Variants in LPP observed in about 807,000 individuals in gnomAD.
LPP encodes lipoma-preferred partner.
A neutral mutation model predicts 60.4 loss-of-function variants in LPP; 38 were observed. That is an observed-to-expected ratio of 0.63 (90% CI 0.49 to 0.83). The LOEUF (loss-of-function observed/expected upper bound fraction) is 0.83, where lower values mean the gene tolerates loss of function less well. Ranked by LOEUF, LPP falls within the 40% of genes least tolerant of loss-of-function variation. The probability of loss-of-function intolerance (pLI) is 0.00; values close to 1 mark genes in which losing one functional copy is unlikely to be tolerated. For missense variants in LPP, 902 were observed against 783.6 expected (o/e 1.15, Z -1.80); for synonymous variants, 328 against 290.8 (o/e 1.13, Z -1.30).
At chr3:188,370,353 C>T (rs191013118) in intron 3 of LPP, among the ~76,000 whole-genome samples, 4 of 152,266 alleles carry the variant, frequency 2.6e-5, no homozygotes, top group Non-Finnish European at 4.4e-5. Flanking sequence ...GGCTGGAGTT[C>T]GCACGTTGCT....
Position 188,881,133 on chromosome 3 carries a change from C to A in LPP, c.*6654C>A. 3.4e-5 allele frequency: 1 copy of A among 29,166 alleles called. No homozygotes were observed. Among genetic ancestry groups the A allele is most frequent in the South Asian group, 2.1e-3 (1 of 482 alleles). 1.8% of individuals were successfully genotyped at this position (29,166 alleles called of 1,614,324 possible). A position where few individuals can be genotyped will look rare whatever the true frequency, so the allele number is the denominator to read the frequency against. ...CCGGCCTGGGCGAAAGAGCGAGACT[C>A]CGTCTCAAAAAAAAAAAAAAAAAAA... On this transcript the variant is annotated 3_prime_UTR_variant, in exon 12 of 12. Transcript: ENST00000617246.
intron 2 of LPP, among the ~76,000 whole-genome samples, chr3:188,237,398 G>A (rs1722296666): frequency 6.6e-6 from 1 of 152,162 alleles, no homozygotes. Context: ...GTTCTTAATG[G>A]CATCTAGAAT....
chr3:188,465,187 C>A (rs762716577), intron 4 of LPP, among the ~76,000 whole-genome samples: 5 of 151,988 alleles, frequency 3.3e-5, no homozygotes, highest in African/African-American at 7.3e-5. Context: ...GTATACTTCC[C>A]CCTTTAGTAA....
intron 4 of LPP, among the ~76,000 whole-genome samples, chr3:188,433,322 G>C (rs1163722399): frequency 6.6e-6 from 1 of 152,104 alleles, no homozygotes; most frequent in Non-Finnish European, 1.5e-5. Flanking sequence ...TCTGACAGTT[G>C]TGAGAGGGTT....
chr3:188,658,366 A>T (rs954726368), intron 7 of LPP, among the ~76,000 whole-genome samples: 3 of 152,076 alleles, frequency 2.0e-5, no homozygotes, highest in African/African-American at 7.2e-5. Context: ...GGCTGGTCTC[A>T]AACTCCTGAC....
At chr3:188,835,763 T>C (rs995710263) in intron 9 of LPP, among the ~76,000 whole-genome samples, 1 of 152,180 alleles carries the variant, frequency 6.6e-6, no homozygotes, top group African/African-American at 2.4e-5. Context: ...TCAATGGAAT[T>C]ATGAATGGGC....
At chr3:188,535,583 T>A (rs1376454392) in intron 6 of LPP, among the ~76,000 whole-genome samples, 1 of 152,212 alleles carries the variant, frequency 6.6e-6, no homozygotes, top group Non-Finnish European at 1.5e-5. Flanking sequence ...AAAGAACATG[T>A]ATTTGCATTA....
rs534261399 is a variant in LPP at position 188,671,189 on chromosome 3, T to C, written c.1114-37078T>C. Among the ~76,000 whole-genome samples, 16 of 152,332 alleles carry C rather than the reference T, an allele frequency of 1.1e-4. No homozygotes were observed. The South Asian group carries it at 2.5e-3, about 24-fold the overall frequency. The stretch of plus-strand genomic sequence containing the variant: ...TGGATTATAGTTATTATAACGACCA[T>C]AGATACTAAAACTTTGAAAAGAATA... On this transcript the variant is annotated intron_variant, in intron 7 of 11. Transcript: ENST00000617246.
intron 1 of LPP, among the ~76,000 whole-genome samples, chr3:188,164,214 G>T (rs1184152226): frequency 6.6e-6 from 1 of 152,192 alleles, no homozygotes; most frequent in African/African-American, 2.4e-5. Flanking sequence ...CCAGGATTCA[G>T]CAGGCAGCTG....
intron 6 of LPP, among the ~76,000 whole-genome samples, chr3:188,540,654 G>A (rs1824917986): frequency 1.3e-5 from 2 of 152,272 alleles, no homozygotes; most frequent in East Asian, 1.9e-4. Context: ...TCCCAGGATT[G>A]TAATGAGGAC....
intron 8 of LPP, among the ~76,000 whole-genome samples, chr3:188,720,925 G>A (rs1175404553): frequency 6.6e-6 from 1 of 152,170 alleles, no homozygotes; most frequent in African/African-American, 2.4e-5. Context: ...CAGTAGGCAG[G>A]AGTAATGGAA....
chr3:188,638,214 G>A (rs1849255006), intron 7 of LPP, among the ~76,000 whole-genome samples: 1 of 141,090 alleles, frequency 7.1e-6, no homozygotes, highest in Non-Finnish European at 1.6e-5. Flanking sequence ...TTCAATATAT[G>A]CAAATCAATA....
intron 3 of LPP, among the ~76,000 whole-genome samples, chr3:188,354,052 G>A (rs930023655): frequency 6.6e-6 from 1 of 151,748 alleles, no homozygotes; most frequent in Non-Finnish European, 1.5e-5. Context: ...TGTTCTGTAG[G>A]TTTTCTCAAT....
intron 9 of LPP, among the ~76,000 whole-genome samples, chr3:188,843,655 G>T (rs1453896314): frequency 2.1e-5 from 3 of 144,834 alleles, no homozygotes; most frequent in Middle Eastern, 3.4e-3. Flanking sequence ...GGCGCAGTGG[G>T]GGGCGCCTGT....
chr3:188,329,759 C>A (rs1050442120), intron 2 of LPP, among the ~76,000 whole-genome samples: 1 of 152,088 alleles, frequency 6.6e-6, no homozygotes, highest in African/African-American at 2.4e-5. Context: ...TTGTATTTGC[C>A]AAGACACAGG....
chr3:188,329,811 A>G (rs1560256328), intron 2 of LPP, among the ~76,000 whole-genome samples: 1 of 152,192 alleles, frequency 6.6e-6, no homozygotes, highest in Non-Finnish European at 1.5e-5. Context: ...CATTTTCTGA[A>G]TAAGATGGAA....
At chr3:188,328,115 C>A (rs1022448400) in intron 2 of LPP, among the ~76,000 whole-genome samples, 1 of 152,096 alleles carries the variant, frequency 6.6e-6, no homozygotes, top group African/African-American at 2.4e-5. Context: ...GGATTTTCTT[C>A]TTTGATACTA....
intron 2 of LPP, among the ~76,000 whole-genome samples, chr3:188,233,671 A>G (rs1006459034): frequency 2.0e-5 from 3 of 152,184 alleles, no homozygotes; most frequent in African/African-American, 4.8e-5. Flanking sequence ...AATACAGTTT[A>G]TAGCAAGGCT....
chr3:188,453,075 T>A (rs560257958), intron 4 of LPP, among the ~76,000 whole-genome samples: 2 of 152,210 alleles, frequency 1.3e-5, no homozygotes, highest in Admixed American at 6.5e-5. Context: ...TTTGGTTTTA[T>A]CTCTTGCTCT....
Sources: allele counts gnomAD v4.1 joint callset (sites outside exome capture counted in the v4.1 genomes callset), GRCh38; gene constraint gnomAD v4.1.1; transcripts MANE v1.5; gene names NCBI Gene and HGNC (gene_info 2026-07-23, HGNC 2026-07-21).